Variants in UBE2E2 observed in about 807,000 individuals in gnomAD.
UBE2E2 encodes the protein ubiquitin-conjugating enzyme E2 E2.
UBE2E2 carries 6 observed loss-of-function variants against 24.7 expected under a neutral mutation model. The observed-to-expected ratio is 0.24, with a 90% CI of 0.13 to 0.48. The LOEUF (loss-of-function observed/expected upper bound fraction) is 0.48. UBE2E2 is among the 20% of genes least tolerant of loss of function. The probability of loss-of-function intolerance (pLI) is 0.99; values close to 1 mark genes in which losing one functional copy is unlikely to be tolerated. For missense variants in UBE2E2, 169 were observed against 245.0 expected (o/e 0.69, Z 2.07); for synonymous variants, 104 against 83.6 (o/e 1.24, Z -1.33).
chr3:23,349,051 G>T (rs913248077), intron 3 of UBE2E2, among the ~76,000 whole-genome samples: 7 of 152,264 alleles, frequency 4.6e-5, no homozygotes, highest in South Asian at 4.1e-4. Context: ...ACTGAAATTG[G>T]CTTGGTTTCA....
chr3:23,537,407 C>T (rs1393022534), intron 5 of UBE2E2, among the ~76,000 whole-genome samples: 2 of 152,154 alleles, frequency 1.3e-5, no homozygotes, highest in Non-Finnish European at 2.9e-5. Flanking sequence ...AATCAAGTAT[C>T]GGTTACTCCA....
intron 3 of UBE2E2, among the ~76,000 whole-genome samples, chr3:23,301,923 G>A (rs577130263): frequency 4.9e-5 from 7 of 141,580 alleles, no homozygotes; most frequent in Admixed American, 2.0e-4. Context: ...ATGTTTCTTC[G>A]CTTAATTAAT....
At chr3:23,392,955 G>T (rs1696974775) in intron 3 of UBE2E2, among the ~76,000 whole-genome samples, 2 of 152,176 alleles carry the variant, frequency 1.3e-5, no homozygotes, top group Non-Finnish European at 2.9e-5. Context: ...ACAAGTATAG[G>T]CCACAAGTGC....
At chr3:23,401,026 G>T (rs1697209871) in intron 3 of UBE2E2, among the ~76,000 whole-genome samples, 1 of 152,178 alleles carries the variant, frequency 6.6e-6, no homozygotes, top group Non-Finnish European at 1.5e-5. Flanking sequence ...AAGAATGACT[G>T]GTATGTTCCT....
chr3:23,390,769 A>G (rs905041997), intron 3 of UBE2E2, among the ~76,000 whole-genome samples: 1 of 152,182 alleles, frequency 6.6e-6, no homozygotes, highest in Admixed American at 6.5e-5. Context: ...TGGCCAGGTA[A>G]GCGAGCCATA....
At chr3:23,401,874 G>A (rs1386670101) in intron 3 of UBE2E2, among the ~76,000 whole-genome samples, 1 of 24,214 alleles carries the variant, frequency 4.1e-5, no homozygotes, top group Admixed American at 3.9e-4. Flanking sequence ...TTTTTTTTTT[G>A]TGAGATGGAG....
chr3:23,390,101 G>T (rs1342236080), intron 3 of UBE2E2, among the ~76,000 whole-genome samples: 2 of 152,100 alleles, frequency 1.3e-5, no homozygotes, highest in Non-Finnish European at 2.9e-5. Flanking sequence ...TTTCTTCCAG[G>T]AGCCTGAACT....
At chr3:23,208,604 T>A (rs1696218249) in intron 1 of UBE2E2, 88 bp from the exon 2 acceptor site, 1 of 1,031,280 alleles carries the variant, frequency 9.7e-7, no homozygotes, top group African/African-American at 1.7e-5. Flanking sequence ...TGAGATTTAC[T>A]TGTTTTACTT....
intron 3 of UBE2E2, among the ~76,000 whole-genome samples, chr3:23,257,605 A>C (rs1480530113): frequency 7.5e-6 from 1 of 134,088 alleles, no homozygotes; most frequent in Non-Finnish European, 1.5e-5. Flanking sequence ...TCCTAGGCAC[A>C]AGTGATCCTC....
intron 3 of UBE2E2, among the ~76,000 whole-genome samples, chr3:23,470,323 C>G (rs955088080): frequency 6.6e-6 from 1 of 152,146 alleles, no homozygotes; most frequent in Admixed American, 6.5e-5. Flanking sequence ...AGATCCTCCC[C>G]CCAATCCGGG....
chr3:23,390,273 C>G (rs1029692434), intron 3 of UBE2E2, among the ~76,000 whole-genome samples: 9 of 152,248 alleles, frequency 5.9e-5, no homozygotes, highest in Non-Finnish European at 1.2e-4. Flanking sequence ...GCCTCCCTCC[C>G]CACTTATCCT....
At chr3:23,297,797 A>G (rs1340545137) in intron 3 of UBE2E2, among the ~76,000 whole-genome samples, 1 of 152,136 alleles carries the variant, frequency 6.6e-6, no homozygotes, top group East Asian at 1.9e-4. Context: ...TATGAACTTT[A>G]AAGTAGTTTT....
intron 5 of UBE2E2, among the ~76,000 whole-genome samples, chr3:23,562,087 C>G (rs1695945103): frequency 1.3e-5 from 2 of 152,072 alleles, no homozygotes; most frequent in Admixed American, 1.3e-4. Context: ...TTGCCCTGGC[C>G]AGAACTTCCA....
At chr3:23,417,098 G>A (rs371860940) in intron 3 of UBE2E2, among the ~76,000 whole-genome samples, 9 of 152,230 alleles carry the variant, frequency 5.9e-5, no homozygotes, top group East Asian at 1.9e-4. Context: ...CCTTGCTGGC[G>A]AGGAGTTGTG....
chr3:23,565,886 C>T (rs1185015266), intron 5 of UBE2E2, among the ~76,000 whole-genome samples: 1 of 152,030 alleles, frequency 6.6e-6, no homozygotes, highest in Non-Finnish European at 1.5e-5. Flanking sequence ...GTCATGAGAT[C>T]GTTTTCTTCT....
chr3:23,383,585 A>C (rs1428077699), intron 3 of UBE2E2, among the ~76,000 whole-genome samples: 1 of 151,696 alleles, frequency 6.6e-6, no homozygotes, highest in Non-Finnish European at 1.5e-5. Flanking sequence ...TCTGTCGGCC[A>C]CTCTGTAAAC....
intron 3 of UBE2E2, among the ~76,000 whole-genome samples, chr3:23,393,468 T>C: frequency 6.6e-6 from 1 of 152,176 alleles, no homozygotes; most frequent in Non-Finnish European, 1.5e-5. Flanking sequence ...GACTTGTAAA[T>C]TATCAGGTCC....
chr3:23,281,956 A>C (rs1170967881), intron 3 of UBE2E2, among the ~76,000 whole-genome samples: 1 of 152,190 alleles, frequency 6.6e-6, no homozygotes, highest in African/African-American at 2.4e-5. Flanking sequence ...TTTGAATGCA[A>C]TTTCAGTCTA....
At chr3:23,553,154 A>G (rs1003419123) in intron 5 of UBE2E2, among the ~76,000 whole-genome samples, 1 of 152,144 alleles carries the variant, frequency 6.6e-6, no homozygotes, top group Non-Finnish European at 1.5e-5. Flanking sequence ...ACCTAAAGAT[A>G]AAATTAATAA....
Sources: gnomAD v4.1 joint callset for allele counts (sites outside exome capture counted in the v4.1 genomes callset) on GRCh38, gnomAD v4.1.1 for gene constraint, MANE v1.5 for transcripts, NCBI Gene and HGNC (gene_info 2026-07-23, HGNC 2026-07-21) for gene names.